Variants in SH3D21 observed in about 807,000 individuals in gnomAD.
SH3D21 encodes SH3 domain-containing protein 21.
In SH3D21, 83 loss-of-function variants were observed where a neutral mutation model predicts 82.1. The ratio of observed to expected loss-of-function variants is 1.01; its 90% confidence interval spans 0.85 to 1.21. The LOEUF is 1.21. SH3D21 is among the 50% of genes most tolerant of loss of function. The pLI is 0.00. For synonymous variants in SH3D21, 383 were observed against 387.8 expected (o/e 0.99, Z 0.15); for missense variants, 980 against 962.1 (o/e 1.02, Z -0.25).
rs1646419634 is a variant in SH3D21, at chr1:36,320,058, T to A, written c.1395T>A (p.Asp465Glu). Residue 465 changes from aspartate to glutamate, a missense_variant, in exon 14 of 16, where the codon GAT (aspartate) becomes GAA (glutamate). Coordinates refer to ENST00000453908, the MANE Select transcript of SH3D21 (RefSeq NM_001162530.2). Reference sequence around the variant, plus strand: ...CTGCCCTAGAAGCCCCACCTATGGATAAAGTCCCTAATCCAAAGATGGCCC... The same window carrying A: ...CTGCCCTAGAAGCCCCACCTATGGAAAAAGTCCCTAATCCAAAGATGGCCC... ...ESPALEAPPM[D>E]KVPNPKMAPL... is the part of the protein sequence containing the mutation. 6.2e-7 allele frequency: 1 copy of A among 1,613,728 alleles called. No homozygotes were observed. The highest frequency in any genetic ancestry group is 2.2e-5 in the East Asian group (1 of 44,834).
chr1:36,320,202 G>C lies in SH3D21; in HGVS notation c.1539G>C (p.Gln513His). The C allele has an allele frequency of 1.2e-6, 2 of 1,613,374 alleles. No individual in the cohort carries two copies. The highest frequency in any genetic ancestry group is 1.7e-6 in the Non-Finnish European group (2 of 1,180,026). The change falls in exon 14 of 16, where the codon CAG (glutamine) becomes CAC (histidine). Residue 513 changes from glutamine (Q) to histidine (H), a missense_variant. Gln to His is a conservative substitution (Grantham distance 24). Coordinates refer to ENST00000453908, the MANE Select transcript of SH3D21 (RefSeq NM_001162530.2). ...FHHFSSEEAL[Q>H]KVKYFVAKED... is the part of the protein sequence containing the mutation. The stretch of plus-strand genomic sequence containing the variant: ...ACTTCTCTTCGGAGGAAGCCCTGCA[G>C]AAGGTCAAGTACTTTGTAGCCAAAG...
downstream of SH3D21, among the ~76,000 whole-genome samples, chr1:36,326,716 C>T (rs987562541): frequency 2.0e-5 from 3 of 152,030 alleles, no homozygotes; most frequent in South Asian, 2.1e-4. Flanking sequence ...CCAGTGAGGG[C>T]GGGGCCGGTG....
At position 36,320,372 on chromosome 1, in the gene SH3D21, C is replaced by T. The variant is rs919684058; in HGVS notation, c.1709C>T (p.Pro570Leu). 9.3e-6 allele frequency: 15 copies of T among 1,613,362 alleles called. No homozygotes were observed. Among genetic ancestry groups the T allele is most frequent in the African/African-American group, 2.7e-5 (2 of 74,860 alleles). ...SPRQAELKSG[P>L]ASRPALEKPH... ...CGCCAGGCTGAGTTGAAGTCTGGGC[C>T]AGCATCCAGGCCTGCCCTTGAGAAG... is the stretch of plus-strand genomic sequence containing the variant. The change falls in exon 14 of 16, where the codon CCA becomes CTA. Residue 570 changes from proline (P) to leucine (L), a missense_variant. Physicochemically the swap from Pro to Leu is moderately conservative, Grantham distance 98. Coordinates refer to ENST00000453908, the MANE Select transcript of SH3D21 (RefSeq NM_001162530.2).
chr1:36,307,755 A>C lies in SH3D21; in HGVS notation c.437-15A>C. 1 of 1,551,174 alleles carries C rather than the reference A, an allele frequency of 6.4e-7. No individual in the cohort carries two copies. The highest frequency in any genetic ancestry group is 8.7e-7 in the Non-Finnish European group (1 of 1,146,736). ...GTGAATTAGCACCCTCCCTAACCTC[A>C]CTGTCCCCCACTAGGCCTTGGTAAC... On this transcript the variant is annotated splice_polypyrimidine_tract_variant and intron_variant, in intron 5 of 15. Transcript: ENST00000453908. The surrounding 1 kb of genome is among the most constrained non-coding windows in gnomAD (Gnocchi z 5.4).
chr1:36,319,971 G>A lies in SH3D21; in HGVS notation c.1308G>A (p.Glu436=). ...TCCCAGAGAACTCCATCATCCCAGA[G>A]GAGACCCTGACTGTGGACAAACCCT... ...ASIPENSIIP[E]ETLTVDKPST... is the part of the protein sequence containing the mutation. The change falls in exon 14 of 16, where the codon GAG becomes GAA. Residue 436 remains glutamate (E), a synonymous_variant. Transcript: ENST00000453908. 1 of 1,614,110 alleles carries A rather than the reference G, an allele frequency of 6.2e-7. No individual in the cohort carries two copies. Among genetic ancestry groups the A allele is most frequent in the East Asian group, 2.2e-5 (1 of 44,880 alleles).
downstream of SH3D21, among the ~76,000 whole-genome samples, chr1:36,329,704 G>GA (rs891837215): frequency 3.7e-4 from 55 of 149,040 alleles, no homozygotes; most frequent in South Asian, 1.1e-3. Context: ...TGAACACAAT[G>GA]AAAAAAAAAA....
Position 36,320,249 on chromosome 1 carries a change from A to G in SH3D21, c.1586A>G (p.Glu529Gly). 5.0e-6 allele frequency: 8 copies of G among 1,612,996 alleles called. No homozygotes were observed. Among genetic ancestry groups the G allele is most frequent in the Non-Finnish European group, 5.9e-6 (7 of 1,179,950 alleles). ...AAAGAGGATCCATCATCCCAGGAGG[A>G]GGCCCACACGCCAGAGGCACCCCCA... ...VAKEDPSSQEEAHTPEAPPPQ... is the reference protein window; with the variant it reads ...VAKEDPSSQEGAHTPEAPPPQ... The change falls in exon 14 of 16, where the codon GAG (glutamate) becomes GGG (glycine). Residue 529 changes from glutamate (E) to glycine (G), a missense_variant. Glu to Gly is a moderately conservative substitution (Grantham distance 98). Coordinates refer to ENST00000453908, the MANE Select transcript of SH3D21 (RefSeq NM_001162530.2).
downstream of SH3D21, chr1:36,324,903 C>A (rs1646526396): frequency 1.3e-5 from 2 of 152,226 alleles, no homozygotes; most frequent in African/African-American, 4.8e-5. Flanking sequence ...GTATGCCTAG[C>A]ACTTCCTAGT....
rs551675655 is a variant in SH3D21, at chr1:36,320,398, C to T, written c.1735C>T (p.Pro579Ser). 1.4e-5 allele frequency: 23 copies of T among 1,613,580 alleles called. No homozygotes were observed. The East Asian group carries it at 4.9e-4, about 34-fold the overall frequency. ...GPASRPALEK[P>S]HPHEEATTLP... ...AGCATCCAGGCCTGCCCTTGAGAAGCCCCACCCCCACGAAGAGGCTACAAC... is the reference window on the plus strand; with the variant it reads ...AGCATCCAGGCCTGCCCTTGAGAAGTCCCACCCCCACGAAGAGGCTACAAC... The change falls in exon 14 of 16, where the codon CCC (proline) becomes TCC (serine). Residue 579 changes from proline (P) to serine (S), a missense_variant. By Grantham distance (74) the Pro-to-Ser change is moderately conservative. Transcript: ENST00000453908.
intron 10 of SH3D21, 88 bp downstream of exon 10, chr1:36,309,678 G>T: frequency 1.4e-6 from 2 of 1,445,196 alleles, no homozygotes; most frequent in Non-Finnish European, 1.9e-6. Context: ...GCACCCCAGT[G>T]GTCCAGTATG....
intron 10 of SH3D21, among the ~76,000 whole-genome samples, chr1:36,311,264 C>T (rs1646234830): frequency 6.7e-6 from 1 of 149,366 alleles, no homozygotes; most frequent in Middle Eastern, 3.4e-3. Flanking sequence ...TGTTTTTAGA[C>T]GGAGTCTGCA....
chr1:36,309,497 T>A, intron 9 of SH3D21, 51 bp from the exon 10 acceptor site: 1 of 1,548,832 alleles, frequency 6.5e-7, no homozygotes, highest in Non-Finnish European at 8.7e-7. Context: ...GCATTTTGGA[T>A]TTCTGATTTT....
intron 10 of SH3D21, among the ~76,000 whole-genome samples, chr1:36,313,555 A>G (rs542952859): frequency 6.6e-6 from 1 of 152,156 alleles, no homozygotes; most frequent in South Asian, 2.1e-4. Context: ...AATTATTTGC[A>G]TAAAGTTGTT....
At chr1:36,328,049 C>G, downstream of SH3D21, 1 of 469,622 alleles carries the variant, frequency 2.1e-6, no homozygotes. Context: ...CAGGACTTAT[C>G]TGCTGTCTGC....
At chr1:36,323,363 C>G (rs775763068), downstream of SH3D21, 137 of 279,006 alleles carry the variant, frequency 4.9e-4, 1 homozygote, top group Admixed American at 1.2e-3. Flanking sequence ...GACGCTGAGC[C>G]TCCACGCCCC....
chr1:36,307,089 C>T lies in SH3D21; in HGVS notation c.227-78C>T. 6.5e-7 allele frequency: 1 copy of T among 1,536,658 alleles called. No homozygotes were observed. Among genetic ancestry groups the T allele is most frequent in the African/African-American group, 1.4e-5 (1 of 72,880 alleles). ...GCGGGGCTGGAGGGACCAAAGGCTA[C>T]GTGCGCGCCTTGCGCTTCCCCCAGC... On this transcript the variant is annotated intron_variant, in intron 3 of 15. Coordinates refer to ENST00000453908, the MANE Select transcript of SH3D21 (RefSeq NM_001162530.2). This position sits in a 1 kb window ranked among gnomAD's most constrained non-coding sequence, Gnocchi z 5.4.
In SH3D21 at chr1:36,307,081, A is replaced by C; in HGVS notation, c.227-86A>C. The C allele has an allele frequency of 6.5e-7, 1 of 1,531,264 alleles. No homozygotes were observed. 94.9% of individuals were successfully genotyped at this position (1,531,264 alleles called of 1,614,324 possible). A position where few individuals can be genotyped will look rare whatever the true frequency, so the allele number is the denominator to read the frequency against. On this transcript the variant is annotated intron_variant, in intron 3 of 15. Transcript: ENST00000453908. The surrounding 1 kb of genome is among the most constrained non-coding windows in gnomAD (Gnocchi z 5.4). ...GCCCTGGGGCGGGGCTGGAGGGACCAAAGGCTACGTGCGCGCCTTGCGCTT... is the reference window on the plus strand; with the variant it reads ...GCCCTGGGGCGGGGCTGGAGGGACCCAAGGCTACGTGCGCGCCTTGCGCTT...
chr1:36,325,461 T>C (rs563885380), downstream of SH3D21, among the ~76,000 whole-genome samples: 1 of 152,292 alleles, frequency 6.6e-6, no homozygotes, highest in South Asian at 2.1e-4. Context: ...ATCAAGGACT[T>C]GAGGATCCTT....
chr1:36,319,473 G>C lies in SH3D21; in HGVS notation c.948G>C (p.Ser316=). Residue 316 remains serine (S), a synonymous_variant, in exon 13 of 16, where the codon TCG becomes TCC. Transcript: ENST00000453908. The part of the protein sequence containing the change: ...GPNGGFQSGG[S]YHPGRKRSKT... ...ATGGTGGCTTCCAAAGTGGGGGTTC[G>C]TATCACCCTGGCCGAAAGCGATCCA... The C allele has an allele frequency of 1.3e-6, 2 of 1,551,604 alleles. No individual in the cohort carries two copies. Among genetic ancestry groups the C allele is most frequent in the South Asian group, 1.2e-5 (1 of 84,048 alleles).
Sources: gnomAD v4.1 joint callset for allele counts (sites outside exome capture counted in the v4.1 genomes callset) on GRCh38, gnomAD v4.1.1 for gene constraint, Gnocchi (gnomAD v3.1) non-coding constraint, MANE v1.5 for transcripts, NCBI Gene and HGNC (gene_info 2026-07-23, HGNC 2026-07-21) for gene names.